Variants in CDK1 observed in about 807,000 individuals in gnomAD.
CDK1 encodes the protein cyclin-dependent kinase 1.
In CDK1, 5 loss-of-function variants were observed where a neutral mutation model predicts 34.6. That is an observed-to-expected ratio of 0.14 (90% CI 0.08 to 0.30). CDK1 has a LOEUF of 0.30. CDK1 is among the 10% of genes least tolerant of loss of function. The pLI, the probability that CDK1 is intolerant of heterozygous loss-of-function variation, is 1.00. For synonymous variants in CDK1, 108 were observed against 114.7 expected, an observed-to-expected ratio of 0.94 and a Z score of 0.37; for missense variants, 157 against 345.7, an observed-to-expected ratio of 0.45 and a Z score of 4.33.
At chr10:60,791,147 C>T (rs567082778) in intron 5 of CDK1, among the ~76,000 whole-genome samples, 1 of 151,942 alleles carries the variant, frequency 6.6e-6, no homozygotes, top group Non-Finnish European at 1.5e-5. Flanking sequence ...ATTAATTCTT[C>T]CAGTTCATGA....
At chr10:60,781,881 A>T (rs2080276440) in intron 2 of CDK1, among the ~76,000 whole-genome samples, 1 of 152,184 alleles carries the variant, frequency 6.6e-6, no homozygotes, top group Non-Finnish European at 1.5e-5. Context: ...TGCCCAACCC[A>T]CAGGAGATAG....
chr10:60,786,866 C>T (rs1002532083), intron 4 of CDK1: 3 of 976,258 alleles, frequency 3.1e-6, no homozygotes, highest in African/African-American at 1.7e-5. Context: ...AACAATCTTG[C>T]ATGACTTTTG....
chr10:60,791,696 T>C (rs184727881), intron 5 of CDK1, among the ~76,000 whole-genome samples, 194 bp from the exon 6 acceptor site: 1 of 152,296 alleles, frequency 6.6e-6, no homozygotes, highest in African/African-American at 2.4e-5. Flanking sequence ...TTTTATCTGT[T>C]TTGTCTTCTA....
rs539115617 is a variant in CDK1 at position 60,778,567 on chromosome 10, C to A, written c.-29C>A. The A allele has an allele frequency of 8.5e-4, 130 of 152,468 alleles. No homozygotes were observed. Among genetic ancestry groups the A allele is most frequent in the African/African-American group, 3.1e-3 (130 of 41,584 alleles). 9.4% of individuals were successfully genotyped at this position (152,468 alleles called of 1,614,324 possible). ...GCTGCGGCCGCCGCGGAATAATAAG[C>A]CGGGTACAGTGGCTGGGGTCAGGGT... On this transcript the variant is annotated 5_prime_UTR_variant, in exon 1 of 8. Coordinates refer to ENST00000395284, the MANE Select transcript of CDK1 (RefSeq NM_001786.5).
intron 5 of CDK1, among the ~76,000 whole-genome samples, chr10:60,791,673 A>T (rs1308151564): frequency 6.6e-6 from 1 of 152,160 alleles, no homozygotes; most frequent in African/African-American, 2.4e-5. Flanking sequence ...AAGCAAAAAA[A>T]TATTTATTAT....
At chr10:60,790,081 A>G (rs1280215179) in intron 5 of CDK1, among the ~76,000 whole-genome samples, 1 of 152,100 alleles carries the variant, frequency 6.6e-6, no homozygotes, top group Non-Finnish European at 1.5e-5. Flanking sequence ...CATTTTTAAA[A>G]TTGGATTCTT....
chr10:60,782,036 G>A (rs1237765471), intron 2 of CDK1, among the ~76,000 whole-genome samples: 2 of 152,194 alleles, frequency 1.3e-5, no homozygotes, highest in Non-Finnish European at 2.9e-5. Context: ...AAAGGAACTT[G>A]TGGAAATAAA....
chr10:60,785,629 G>C, intron 3 of CDK1, 35 bp from the exon 4 acceptor site: 1 of 1,366,756 alleles, frequency 7.3e-7, no homozygotes, highest in African/African-American at 1.5e-5. Context: ...AAAAATGTTT[G>C]CTGGATTCTT....
At chr10:60,786,712 C>A in intron 4 of CDK1, 1 of 263,894 alleles carries the variant, frequency 3.8e-6, no homozygotes, top group Non-Finnish European at 5.9e-6. Flanking sequence ...TTTAGTACAT[C>A]ATTGCCAAAA....
chr10:60,785,208 G>A (rs2080305460), intron 3 of CDK1, among the ~76,000 whole-genome samples: 1 of 152,178 alleles, frequency 6.6e-6, no homozygotes, highest in African/African-American at 2.4e-5. Flanking sequence ...AAGAAAAGTA[G>A]CTAGGTCAAA....
chr10:60,782,494 CTT>C (rs1165997062), intron 2 of CDK1, among the ~76,000 whole-genome samples: 1 of 152,100 alleles, frequency 6.6e-6, no homozygotes, highest in Non-Finnish European at 1.5e-5. Context: ...AAGAAAATGT[CTT>C]TTTGGATCAT....
chr10:60,793,899 C>A lies in CDK1; in HGVS notation c.818C>A (p.Ala273Asp). 7.1e-6 allele frequency: 11 copies of A among 1,547,858 alleles called. No individual in the cohort carries two copies. The highest frequency in any genetic ancestry group is 9.6e-6 in the Non-Finnish European group (11 of 1,145,552). ...LLSKMLIYDP[A>D]KRISGKMALN... is the part of the protein sequence containing the mutation. ...CAGAAAATGTTAATCTATGATCCAG[C>A]CAAACGAATTTCTGGCAAAATGGCA... Residue 273 changes from alanine to aspartate, a missense_variant, in exon 8 of 8, where the codon GCC becomes GAC. Physicochemically the swap from Ala to Asp is moderately radical, Grantham distance 126. This residue lies in a region of CDK1 where 102 missense variants were observed against 233.6 expected (regional missense o/e 0.44). Transcript: ENST00000395284.
At position 60,794,063 on chromosome 10, in the gene CDK1, T is replaced by G; in HGVS notation, c.*88T>G. On this transcript the variant is annotated 3_prime_UTR_variant, in exon 8 of 8. Transcript: ENST00000395284. Reference sequence around the variant, plus strand: ...TTGTCTATTTTTGTCTTATATATATTTCTTTGTTATCAAACTTCAGCTGTA... The same window carrying G: ...TTGTCTATTTTTGTCTTATATATATGTCTTTGTTATCAAACTTCAGCTGTA... 1.5e-6 allele frequency: 1 copy of G among 656,128 alleles called. No individual in the cohort carries two copies. Among genetic ancestry groups the G allele is most frequent in the Non-Finnish European group, 2.6e-6 (1 of 380,312 alleles). The allele number at this position is 656,128 out of a possible 1,614,324, so 40.6% of individuals were successfully genotyped here. A position where few individuals can be genotyped will look rare whatever the true frequency, so the allele number is the denominator to read the frequency against.
At chr10:60,785,068 G>A (rs1298218795) in intron 3 of CDK1, among the ~76,000 whole-genome samples, 1 of 152,176 alleles carries the variant, frequency 6.6e-6, no homozygotes, top group East Asian at 1.9e-4. Context: ...GCTGGGTGAT[G>A]TAGATTAATA....
intron 5 of CDK1, among the ~76,000 whole-genome samples, chr10:60,790,355 C>G (rs1024760838): frequency 1.3e-5 from 2 of 152,106 alleles, no homozygotes; most frequent in Non-Finnish European, 2.9e-5. Context: ...GTGATCCTTC[C>G]ACGTCAGCCT....
intron 5 of CDK1, 144 bp downstream of exon 5, chr10:60,788,374 C>A: frequency 2.0e-6 from 1 of 504,158 alleles, no homozygotes; most frequent in Non-Finnish European, 3.3e-6. Flanking sequence ...GCTCCAAATT[C>A]ATTGCATGCT....
chr10:60,778,651 A>C (rs1359244710), intron 1 of CDK1, 81 bp downstream of exon 1: 2 of 152,620 alleles, frequency 1.3e-5, no homozygotes, highest in Non-Finnish European at 2.9e-5. Flanking sequence ...GGGGTCCTCT[A>C]AGAAGGCCGG....
Position 60,787,852 on chromosome 10 carries a change from A to G in CDK1, c.319-208A>G, listed in dbSNP as rs951716792. The G allele has an allele frequency of 3.1e-5, 10 of 322,616 alleles. No individual in the cohort carries two copies. In the East Asian group the frequency reaches 3.8e-4, roughly 12 times the overall value. 20.0% of individuals were successfully genotyped at this position (322,616 alleles called of 1,614,324 possible). The stretch of plus-strand genomic sequence containing the variant: ...TGTTCACATTACTATAGATATGTCT[A>G]TAAGGTGAAGATTCTTTTCTTAGGT... On this transcript the variant is annotated intron_variant, in intron 4 of 7. Coordinates refer to ENST00000395284, the MANE Select transcript of CDK1 (RefSeq NM_001786.5).
chr10:60,779,918 G>A (rs753825969), intron 1 of CDK1, among the ~76,000 whole-genome samples: 13 of 152,284 alleles, frequency 8.5e-5, no homozygotes, highest in Admixed American at 2.6e-4. Context: ...TACTACACTA[G>A]TATAGAATAT....
Sources: gnomAD v4.1 joint callset for allele counts (sites outside exome capture counted in the v4.1 genomes callset) on GRCh38, gnomAD v4.1.1 for gene constraint, gnomAD v4.1.1 regional missense constraint, MANE v1.5 for transcripts, NCBI Gene and HGNC (gene_info 2026-07-23, HGNC 2026-07-21) for gene names.